The following B4GALT5 variants were observed in gnomAD, a reference collection of about 807,000 sequenced individuals.
B4GALT5 encodes the protein beta-1,4-galactosyltransferase 5.
Under a neutral mutation model 45.0 loss-of-function variants are expected in B4GALT5, and 11 were observed. The ratio of observed to expected loss-of-function variants is 0.24; its 90% CI spans 0.15 to 0.40. B4GALT5 has a LOEUF of 0.40. Among genes scored for constraint, B4GALT5 ranks in the 10% least tolerant of loss-of-function variants. The probability of loss-of-function intolerance (pLI) is 1.00; values close to 1 mark genes in which losing one functional copy is unlikely to be tolerated. For synonymous variants in B4GALT5, 185 were observed against 182.9 expected (o/e 1.01, Z -0.09); for missense variants, 337 against 500.2 (o/e 0.67, Z 3.11).
At position 49,633,699 on chromosome 20, in the gene B4GALT5, AAC is replaced by A. The variant is rs1984436172; in HGVS notation, c.*2611_*2612del. The stretch of plus-strand genomic sequence containing the variant: ...TAAAGTCAGGTGTTAGCCTTTTGCC[AAC>A]AGTGTGTACTTGATGGTAATTATGG... On this transcript the variant is annotated 3_prime_UTR_variant, in exon 9 of 9. Transcript: ENST00000371711. 1.3e-5 allele frequency: 2 copies of A among 152,356 alleles called. No individual in the cohort carries two copies. The highest frequency in any genetic ancestry group is 2.1e-4 in the South Asian group (1 of 4,830). 9.4% of individuals were successfully genotyped at this position (152,356 alleles called of 1,614,324 possible).
chr20:49,689,685 T>C (rs1436260947), intron 1 of B4GALT5, among the ~76,000 whole-genome samples: 4 of 152,190 alleles, frequency 2.6e-5, no homozygotes, highest in Admixed American at 6.5e-5. Context: ...TGCATGTTAA[T>C]TAATTAGATT....
intron 1 of B4GALT5, among the ~76,000 whole-genome samples, chr20:49,683,206 T>C (rs540644296): frequency 2.0e-5 from 3 of 152,278 alleles, no homozygotes; most frequent in South Asian, 2.1e-4. Context: ...AAATAAACTG[T>C]TTTGATTTCA....
chr20:49,703,165 C>CAAA (rs11452162), intron 1 of B4GALT5, among the ~76,000 whole-genome samples: 10 of 91,110 alleles, frequency 1.1e-4, no homozygotes, highest in Admixed American at 2.5e-4. Flanking sequence ...GACTCCGTCT[C>CAAA]AAAAAAAAAA....
chr20:49,662,117 C>T (rs2085667616), intron 1 of B4GALT5, among the ~76,000 whole-genome samples: 1 of 152,142 alleles, frequency 6.6e-6, no homozygotes. Flanking sequence ...ACAGGAAAAC[C>T]TCCTCCTTTC....
At chr20:49,637,298 G>A (rs2085558230) in intron 8 of B4GALT5, 43 bp downstream of exon 8, 3 of 1,526,858 alleles carry the variant, frequency 2.0e-6, no homozygotes, top group African/African-American at 1.4e-5. Flanking sequence ...GGACATGAAA[G>A]TATAGGGGAT....
At chr20:49,663,870 G>C (rs1479292744) in intron 1 of B4GALT5, among the ~76,000 whole-genome samples, 1 of 151,716 alleles carries the variant, frequency 6.6e-6, no homozygotes, top group East Asian at 1.9e-4. Context: ...GAACCGTAAA[G>C]AATCTGGAAC....
chr20:49,667,688 G>A (rs967678478), intron 1 of B4GALT5, among the ~76,000 whole-genome samples: 2 of 152,164 alleles, frequency 1.3e-5, no homozygotes, highest in Non-Finnish European at 2.9e-5. Flanking sequence ...TGGGATTATA[G>A]GTGTGAGCCA....
chr20:49,669,366 A>G (rs889512757), intron 1 of B4GALT5, among the ~76,000 whole-genome samples: 34 of 152,098 alleles, frequency 2.2e-4, no homozygotes, highest in Admixed American at 6.5e-4. Context: ...TTTCTTCATC[A>G]ACTTCTGATA....
chr20:49,681,213 C>T (rs1438619835), intron 1 of B4GALT5, among the ~76,000 whole-genome samples: 2 of 57,310 alleles, frequency 3.5e-5, no homozygotes, highest in African/African-American at 1.9e-4. Context: ...AAGACCCCAT[C>T]TCTAAAAAAA....
intron 1 of B4GALT5, among the ~76,000 whole-genome samples, chr20:49,658,345 C>T (rs1270887289): frequency 1.3e-5 from 2 of 152,186 alleles, no homozygotes; most frequent in Non-Finnish European, 2.9e-5. Flanking sequence ...AAACCTAAGA[C>T]TTAAACTTCA....
rs973599354 is a variant in B4GALT5, at chr20:49,636,061, G to T, written c.*251C>A. 1.0e-5 allele frequency: 5 copies of T among 495,182 alleles called. No individual in the cohort carries two copies. Among genetic ancestry groups the T allele is most frequent in the South Asian group, 8.6e-5 (4 of 46,730 alleles). 30.7% of individuals were successfully genotyped at this position (495,182 alleles called of 1,614,324 possible). A position where few individuals can be genotyped will look rare whatever the true frequency, so the allele number is the denominator to read the frequency against. ...ATGGGGAGAGAGCAGCGGGACAGAC[G>T]TCTGTCTTGTGAAAACAGAAAGCCA... On this transcript the variant is annotated 3_prime_UTR_variant, in exon 9 of 9. Transcript: ENST00000371711.
rs1295240305 is a variant in B4GALT5, at chr20:49,637,386, T to A, written c.974A>T (p.Lys325Met). Residue 325 changes from lysine (K) to methionine (M), a missense_variant, in exon 8 of 9, where the codon AAG becomes ATG. By Grantham distance (95) the Lys-to-Met change is moderately conservative (BLOSUM62 -1). Coordinates refer to ENST00000371711, the MANE Select transcript of B4GALT5 (RefSeq NM_004776.4). Reference protein sequence around the residue: ...SRPEGDTGKYKSIPHHHRGEV... With the variant: ...SRPEGDTGKYMSIPHHHRGEV... Reference sequence around the variant, plus strand: ...TCCTCGATGGTGATGAGGAATGGACTTGTACTTTCCTGTGTCACCCTCTGG... The same window carrying A: ...TCCTCGATGGTGATGAGGAATGGACATGTACTTTCCTGTGTCACCCTCTGG... The A allele has an allele frequency of 1.2e-6, 2 of 1,614,068 alleles. No individual in the cohort carries two copies. The highest frequency in any genetic ancestry group is 1.7e-6 in the Non-Finnish European group (2 of 1,180,044).
chr20:49,689,531 T>C (rs111876260), intron 1 of B4GALT5, among the ~76,000 whole-genome samples: 232 of 152,320 alleles, frequency 1.5e-3, no homozygotes, highest in African/African-American at 5.3e-3. Context: ...TGAAAGGATT[T>C]TACAGTGAAC....
chr20:49,684,162 T>C (rs951490711), intron 1 of B4GALT5, among the ~76,000 whole-genome samples: 38 of 151,008 alleles, frequency 2.5e-4, no homozygotes, highest in African/African-American at 8.3e-4. Context: ...AGCAAAGTAA[T>C]AGTACCTACC....
At chr20:49,674,256 A>C (rs1189852556) in intron 1 of B4GALT5, among the ~76,000 whole-genome samples, 1 of 150,926 alleles carries the variant, frequency 6.6e-6, no homozygotes, top group Non-Finnish European at 1.5e-5. Flanking sequence ...AAGATGTGGG[A>C]AAAGTTTGGT....
chr20:49,679,502 A>G (rs1383608873), intron 1 of B4GALT5, among the ~76,000 whole-genome samples: 3 of 146,344 alleles, frequency 2.0e-5, no homozygotes, highest in Non-Finnish European at 4.6e-5. Context: ...CCCCGTCTCT[A>G]CTAAAAAAAA....
chr20:49,655,341 G>C (rs2085638219), intron 2 of B4GALT5, among the ~76,000 whole-genome samples: 1 of 151,506 alleles, frequency 6.6e-6, no homozygotes, highest in Admixed American at 6.6e-5. Flanking sequence ...TGAGGCAGGA[G>C]AATCAGTTGA....
At chr20:49,710,442 CAG>C (rs1210875710) in intron 1 of B4GALT5, among the ~76,000 whole-genome samples, 16 of 134,686 alleles carry the variant, frequency 1.2e-4, no homozygotes, top group Admixed American at 5.0e-4. Flanking sequence ...GTGTATGAGA[CAG>C]AGTCTCACTC....
chr20:49,669,696 C>CAAAA (rs535974379), intron 1 of B4GALT5, among the ~76,000 whole-genome samples: 4 of 94,824 alleles, frequency 4.2e-5, no homozygotes, highest in African/African-American at 1.6e-4. Flanking sequence ...AACTCCACCT[C>CAAAA]AAAAAAAAAA....
Sources: gnomAD v4.1 joint callset for allele counts (sites outside exome capture counted in the v4.1 genomes callset) on GRCh38, gnomAD v4.1.1 for gene constraint, MANE v1.5 for transcripts, NCBI Gene and HGNC (gene_info 2026-07-23, HGNC 2026-07-21) for gene names.